Variants in ZNF45 observed in about 807,000 individuals in gnomAD.
The protein encoded by ZNF45 is zinc finger protein 45.
Under a neutral mutation model 12.0 loss-of-function variants are expected in ZNF45, and 4 were observed. The ratio of observed to expected loss-of-function variants is 0.33; its 90% CI spans 0.16 to 0.76. The LOEUF is 0.76. Among genes scored for constraint, ZNF45 ranks in the 30% least tolerant of loss-of-function variants. The pLI is 0.60. For missense variants in ZNF45, 700 were observed against 813.0 expected, an observed-to-expected ratio of 0.86 and a Z score of 1.69; for synonymous variants, 272 against 279.6, an observed-to-expected ratio of 0.97 and a Z score of 0.27.
In ZNF45 at chr19:43,913,465, AATG is replaced by A. The variant is rs746889856; in HGVS notation, c.1968_1970del (p.Ile657del). 6.5e-5 allele frequency: 104 copies of A among 1,610,484 alleles called. 1 individual carries two copies. In the East Asian group the frequency reaches 2.3e-3, roughly 35 times the overall value. ...CATCATCAGCATGGACTCGCTGATG[AATG>A]ATAAGACTTGAGCTCCAACTGAAGC... On this transcript the variant is annotated inframe_deletion, in exon 10 of 10. Transcript: ENST00000269973.
chr19:43,927,870 G>A (rs1006278662), intron 3 of ZNF45, among the ~76,000 whole-genome samples: 2 of 152,042 alleles, frequency 1.3e-5, no homozygotes, highest in Non-Finnish European at 2.9e-5. Context: ...TGGAATACTA[G>A]GCGGCCATAA....
At chr19:43,922,126 G>A (rs768413256) in intron 7 of ZNF45, 45 bp downstream of exon 7, 18 of 1,602,004 alleles carry the variant, frequency 1.1e-5, no homozygotes, top group South Asian at 4.5e-5. Context: ...TAATCTTTCC[G>A]AAATGAGATG....
intron 4 of ZNF45, among the ~76,000 whole-genome samples, chr19:43,924,857 A>T (rs1418752539): frequency 6.6e-6 from 1 of 151,652 alleles, no homozygotes; most frequent in African/African-American, 2.4e-5. Flanking sequence ...GTGACTAAGT[A>T]TACACAAAAC....
rs1003080093 is a variant in ZNF45, at chr19:43,913,261, G to T, written c.*126C>A. 2.9e-5 allele frequency: 32 copies of T among 1,100,274 alleles called. No homozygotes were observed. The highest frequency in any genetic ancestry group is 3.7e-5 in the Non-Finnish European group (29 of 780,760). 68.2% of individuals were successfully genotyped at this position (1,100,274 alleles called of 1,614,324 possible). A position where few individuals can be genotyped will look rare whatever the true frequency, so the allele number is the denominator to read the frequency against. ...GTCCATATGTCTCCACTCTTGTGAG[G>T]CTTCTCTGCTGTGTGGTCTCCCAAT... On this transcript the variant is annotated 3_prime_UTR_variant, in exon 10 of 10. Transcript: ENST00000269973.
chr19:43,915,649 A>G (rs941466823), intron 9 of ZNF45, among the ~76,000 whole-genome samples: 6 of 152,202 alleles, frequency 3.9e-5, no homozygotes, highest in Non-Finnish European at 8.8e-5. Context: ...GTGACATTAG[A>G]TTCTTATAGG....
In ZNF45 at chr19:43,919,589, C is replaced by G; in HGVS notation, c.126G>C (p.Arg42Ser). 2 of 1,612,574 alleles carry G rather than the reference C, an allele frequency of 1.2e-6. No individual in the cohort carries two copies. Residue 42 changes from arginine to serine, a missense_variant, in exon 8 of 10, where the codon AGG (arginine) becomes AGC (serine). Arg to Ser is a moderately radical substitution (Grantham distance 110). Transcript: ENST00000269973. ...TGTCCTCACCCACTGAGACCACATT[C>G]CTGAAGTTCTCCAGCATCACATCTC... Reference protein sequence around the residue: ...LYRDVMLENFRNVVSVGHQST... With the variant: ...LYRDVMLENFSNVVSVGHQST...
intron 7 of ZNF45, among the ~76,000 whole-genome samples, chr19:43,920,547 G>C (rs1319432535): frequency 1.1e-5 from 1 of 89,324 alleles, no homozygotes; most frequent in African/African-American, 3.7e-5. Context: ...GGGGGGGGGG[G>C]CAGTGGGCGG....
intron 3 of ZNF45, among the ~76,000 whole-genome samples, chr19:43,927,763 A>G (rs1361468599): frequency 6.6e-6 from 1 of 152,042 alleles, no homozygotes; most frequent in East Asian, 1.9e-4. Context: ...TTTTTTTGTT[A>G]AAAAGCCATA....
chr19:43,929,193 G>C (rs1973925567), intron 3 of ZNF45, among the ~76,000 whole-genome samples: 1 of 152,158 alleles, frequency 6.6e-6, no homozygotes, highest in Non-Finnish European at 1.5e-5. Context: ...CTCAAACCCT[G>C]GTATGCATCC....
intron 3 of ZNF45, chr19:43,929,975 A>G (rs1180755674): frequency 6.6e-6 from 1 of 152,272 alleles, no homozygotes; most frequent in Non-Finnish European, 1.5e-5. Flanking sequence ...TGCCAGTTCA[A>G]GTGATGTCTT....
chr19:43,912,676 T>C lies in ZNF45; in HGVS notation c.*711A>G, dbSNP rs2146664869. The C allele has an allele frequency of 6.6e-6, 1 of 152,356 alleles. No individual in the cohort carries two copies. Among genetic ancestry groups the C allele is most frequent in the African/African-American group, 2.4e-5 (1 of 41,574 alleles). The allele number at this position is 152,356 out of a possible 1,614,324, so 9.4% of individuals were successfully genotyped here. On this transcript the variant is annotated 3_prime_UTR_variant, in exon 10 of 10. Transcript: ENST00000269973. ...AAACTTTTTGGTTTAATAGACATATTGTATACATTGATCTTGGTGATGATT... is the reference window on the plus strand; with the variant it reads ...AAACTTTTTGGTTTAATAGACATATCGTATACATTGATCTTGGTGATGATT...
In ZNF45 at chr19:43,914,469, C is replaced by T. The variant is rs113812911; in HGVS notation, c.967G>A (p.Glu323Lys). Residue 323 changes from glutamate (E) to lysine (K), a missense_variant, in exon 10 of 10, where the codon GAG becomes AAG. By Grantham distance (56) the Glu-to-Lys change is moderately conservative (BLOSUM62 1). Coordinates refer to ENST00000269973, the MANE Select transcript of ZNF45 (RefSeq NM_003425.4). The part of the protein sequence containing the change: ...FSWRSRLQAH[E>K]RIHTGEKPYK... ...GGTTTCTCGCCAGTGTGGATTCGCT[C>T]ATGAGCCTGCAGTCGTGAACGCCAA... is the stretch of plus-strand genomic sequence containing the variant. The T allele has an allele frequency of 1.6e-4, 262 of 1,612,716 alleles. 1 individual carries two copies. The African/African-American group carries it at 2.9e-3, about 18-fold the overall frequency.
intron 2 of ZNF45, among the ~76,000 whole-genome samples, chr19:43,933,623 T>C (rs1974304609): frequency 6.6e-6 from 1 of 152,200 alleles, no homozygotes; most frequent in Non-Finnish European, 1.5e-5. Context: ...GAGTTCATTA[T>C]ATTTGGGTAT....
rs553230814 is a variant in ZNF45 at position 43,919,610 on chromosome 19, A to G, written c.105T>C (p.Asp35=). 6.2e-7 allele frequency: 1 copy of G among 1,613,028 alleles called. No homozygotes were observed. Among genetic ancestry groups the G allele is most frequent in the Non-Finnish European group, 8.5e-7 (1 of 1,179,342 alleles). ...LDLAQRKLYR[D]VMLENFRNVV... ...CATTCCTGAAGTTCTCCAGCATCAC[A>G]TCTCGGTACAGCTTCCTCTGGGCAA... The change falls in exon 8 of 10, where the codon GAT becomes GAC. Residue 35 remains aspartate, a synonymous_variant. Transcript: ENST00000269973.
chr19:43,935,224 A>T lies in ZNF45; in HGVS notation c.-1056T>A, dbSNP rs1278632809. The T allele has an allele frequency of 1.3e-5, 2 of 152,260 alleles. No individual in the cohort carries two copies. The highest frequency in any genetic ancestry group is 1.3e-4 in the Admixed American group (2 of 15,288). 9.4% of individuals were successfully genotyped at this position (152,260 alleles called of 1,614,324 possible). ...AACAGGTCGCGGGGTCCCAGGACTC[A>T]CTCACTTCCACGAGAGGAATGAAGG... On this transcript the variant is annotated 5_prime_UTR_variant, in exon 1 of 10. Transcript: ENST00000269973.
chr19:43,929,880 C>T (rs980327255), intron 3 of ZNF45: 2 of 152,198 alleles, frequency 1.3e-5, no homozygotes, highest in East Asian at 3.8e-4. Context: ...TGCAAGTCCC[C>T]TGGGCTGTGA....
chr19:43,934,218 A>G (rs1974348523), intron 2 of ZNF45, among the ~76,000 whole-genome samples: 1 of 152,134 alleles, frequency 6.6e-6, no homozygotes, highest in African/African-American at 2.4e-5. Flanking sequence ...TACCCATATC[A>G]CAATACCCAC....
At position 43,915,010 on chromosome 19, in the gene ZNF45, A is replaced by C. The variant is rs1217945392; in HGVS notation, c.426T>G (p.Asp142Glu). 3 of 1,608,868 alleles carry C rather than the reference A, an allele frequency of 1.9e-6. No homozygotes were observed. The highest frequency in any genetic ancestry group is 2.5e-6 in the Non-Finnish European group (3 of 1,177,078). ...LEKRDDLHYK[D>E]EGFSNQSSHL... ...GGGAACTCTGATTACTGAATCCCTCATCTTTATAGTGCAAATCATCTCGTT... is the reference window on the plus strand; with the variant it reads ...GGGAACTCTGATTACTGAATCCCTCCTCTTTATAGTGCAAATCATCTCGTT... The change falls in exon 10 of 10, where the codon GAT becomes GAG. Residue 142 changes from aspartate (D) to glutamate (E), a missense_variant. Physicochemically the swap from Asp to Glu is conservative, Grantham distance 45. Transcript: ENST00000269973.
At chr19:43,917,701 G>T (rs183216076) in intron 9 of ZNF45, among the ~76,000 whole-genome samples, 1 of 152,244 alleles carries the variant, frequency 6.6e-6, no homozygotes, top group African/African-American at 2.4e-5. Flanking sequence ...GGCCAGGCTG[G>T]TCTGGAACTC....
Sources: allele counts gnomAD v4.1 joint callset (sites outside exome capture counted in the v4.1 genomes callset), GRCh38; gene constraint gnomAD v4.1.1; transcripts MANE v1.5; gene names NCBI Gene and HGNC (gene_info 2026-07-23, HGNC 2026-07-21).